DNAJB6: variants seen among roughly 807,000 people sequenced by gnomAD.
The protein encoded by DNAJB6 is dnaJ homolog subfamily B member 6.
In DNAJB6, 16 loss-of-function variants were observed where a neutral mutation model predicts 42.7. The ratio of observed to expected loss-of-function variants is 0.37; its 90% confidence interval spans 0.25 to 0.57. The LOEUF (loss-of-function observed/expected upper bound fraction) is 0.57. Among genes scored for constraint, DNAJB6 ranks in the 20% least tolerant of loss-of-function variants. The pLI is 0.74. For synonymous variants in DNAJB6, 170 were observed against 163.5 expected (o/e 1.04, Z -0.30); for missense variants, 347 against 416.8 (o/e 0.83, Z 1.46).
At chr7:157,367,286 G>C in intron 4 of DNAJB6, 87 bp from the exon 5 acceptor site, 1 of 908,358 alleles carries the variant, frequency 1.1e-6, no homozygotes, top group Non-Finnish European at 1.8e-6. Flanking sequence ...ATTAGTTCAT[G>C]ATTTGTATAA....
At position 157,396,033 on chromosome 7, in the gene DNAJB6, C is replaced by T. The variant is rs1427167460; in HGVS notation, c.691+10422C>T. Among the ~76,000 whole-genome samples the T allele has an allele frequency of 4.0e-5, 6 of 151,520 alleles. 1 individual carries two copies. The highest frequency in any genetic ancestry group is 1.3e-4 in the Admixed American group (2 of 15,184). On this transcript the variant is annotated intron_variant, in intron 8 of 9. Transcript: ENST00000262177. ...AGTGAACTCGGCTCACTGCAACCTC[C>T]GTCTCCTGGGTTCAAGCGATTCTCA...
At chr7:157,380,491 G>C (rs1206496010) in intron 5 of DNAJB6, 3 of 152,202 alleles carry the variant, frequency 2.0e-5, no homozygotes, top group East Asian at 1.9e-4. Flanking sequence ...TATTTTTATG[G>C]GTGGGGGGCA....
chr7:157,372,994 C>T (rs748408739), intron 5 of DNAJB6, among the ~76,000 whole-genome samples: 18 of 152,320 alleles, frequency 1.2e-4, no homozygotes, highest in African/African-American at 3.4e-4. Flanking sequence ...GGCCTCCAAC[C>T]GCTAGGCTCA....
chr7:157,351,943 C>T (rs576378144), intron 1 of DNAJB6, among the ~76,000 whole-genome samples: 19 of 152,032 alleles, frequency 1.2e-4, no homozygotes, highest in East Asian at 5.8e-4. Flanking sequence ...TTCAGTGAGT[C>T]GAGATTGTGC....
intron 8 of DNAJB6, among the ~76,000 whole-genome samples, chr7:157,392,290 C>T (rs1180369531): frequency 6.6e-6 from 1 of 151,520 alleles, no homozygotes; most frequent in East Asian, 1.9e-4. Flanking sequence ...TGTGGACTTA[C>T]TCTCTTGATT....
chr7:157,384,744 T>C, intron 6 of DNAJB6, 123 bp from the exon 7 acceptor site: 1 of 964,670 alleles, frequency 1.0e-6, no homozygotes, highest in Non-Finnish European at 1.6e-6. Flanking sequence ...AGTTGCGTCG[T>C]TTATTACTCC....
chr7:157,359,016 A>G (rs1422833540), intron 2 of DNAJB6, among the ~76,000 whole-genome samples: 4 of 152,318 alleles, frequency 2.6e-5, no homozygotes, highest in East Asian at 3.9e-4. Flanking sequence ...GCTCCGGCCT[A>G]TGCCACTGGA....
chr7:157,380,949 C>A (rs1800735348), intron 5 of DNAJB6: 1 of 152,134 alleles, frequency 6.6e-6, no homozygotes, highest in South Asian at 2.1e-4. Context: ...TCGGTCCTTT[C>A]AAACTGTGGT....
chr7:157,395,227 C>CT (rs1801526645), intron 8 of DNAJB6, among the ~76,000 whole-genome samples: 1 of 151,660 alleles, frequency 6.6e-6, no homozygotes. Flanking sequence ...TGGGAGGGGG[C>CT]TGGGGGGGGG....
intron 8 of DNAJB6, among the ~76,000 whole-genome samples, chr7:157,393,977 C>G (rs1298556080): frequency 6.6e-6 from 1 of 152,196 alleles, no homozygotes; most frequent in African/African-American, 2.4e-5. Flanking sequence ...CTTTCTCATT[C>G]TTTACATTTG....
At chr7:157,349,227 CTT>C (rs1798846427) in intron 1 of DNAJB6, among the ~76,000 whole-genome samples, 4 of 152,060 alleles carry the variant, frequency 2.6e-5, no homozygotes, top group African/African-American at 9.7e-5. Context: ...AACTTGATGA[CTT>C]TTATTATTTC....
intron 6 of DNAJB6, 110 bp from the exon 7 acceptor site, chr7:157,384,757 G>T: frequency 9.2e-7 from 1 of 1,088,456 alleles, no homozygotes; most frequent in South Asian, 1.5e-5. Context: ...ATTACTCCTC[G>T]GTTCTATGCC....
At chr7:157,399,305 G>A (rs10226524) in intron 8 of DNAJB6, among the ~76,000 whole-genome samples, 2 of 151,934 alleles carry the variant, frequency 1.3e-5, no homozygotes, top group African/African-American at 4.8e-5. Flanking sequence ...GAGGTCTTTC[G>A]CCTCCTGATG....
rs554109235 is a variant in DNAJB6, at chr7:157,383,485, G to C, written c.478+1108G>C. 1.3e-4 allele frequency among the ~76,000 whole-genome samples: 20 copies of C among 152,278 alleles called. No homozygotes were observed. In the South Asian group the frequency reaches 1.7e-3, roughly 13 times the overall value. On this transcript the variant is annotated intron_variant, in intron 6 of 9. Transcript: ENST00000262177. ...CTCGATTGGACCTCAGTTTTGATGTGCTTTCCCTCAACAGATCCTCTCATT... is the reference window on the plus strand; with the variant it reads ...CTCGATTGGACCTCAGTTTTGATGTCCTTTCCCTCAACAGATCCTCTCATT...
chr7:157,391,169 T>C (rs1211870873), intron 8 of DNAJB6, among the ~76,000 whole-genome samples: 1 of 152,176 alleles, frequency 6.6e-6, no homozygotes, highest in African/African-American at 2.4e-5. Flanking sequence ...AGGACATTGC[T>C]GGTAGGAACA....
At chr7:157,408,106 GGT>G (rs1383396535) in intron 8 of DNAJB6, among the ~76,000 whole-genome samples, 10 of 152,186 alleles carry the variant, frequency 6.6e-5, no homozygotes, top group Non-Finnish European at 1.5e-4. Flanking sequence ...CCCCGGGCTA[GGT>G]GACCCCTCTC....
chr7:157,357,248 TTCCTTCCTTCCTTCCGTCCTTCCTTCCG>T lies in DNAJB6; in HGVS notation c.-26-1287_-26-1260del, dbSNP rs1799335774. 3.8e-5 allele frequency among the ~76,000 whole-genome samples: 3 copies of T among 79,434 alleles called. 1 individual carries two copies. In the South Asian group the frequency reaches 1.2e-3, roughly 33 times the overall value. The allele number at this position is 79,434 out of a possible 152,430, so 52.1% of individuals were successfully genotyped here. Reference sequence around the variant, plus strand: ...CTTCCTTCCTTCCTTCCTTCCTTCCTTCCTTCCTTCCTTCCGTCCTTCCTTCCGTCCTTCCTTCCGTCCTTCCTTCCTT... The same window carrying T: ...CTTCCTTCCTTCCTTCCTTCCTTCCTTCCTTCCTTCCGTCCTTCCTTCCTT... On this transcript the variant is annotated intron_variant, in intron 1 of 9. Coordinates refer to ENST00000262177, the MANE Select transcript of DNAJB6 (RefSeq NM_058246.4).
intron 1 of DNAJB6, among the ~76,000 whole-genome samples, chr7:157,352,582 C>T (rs1170216350): frequency 6.6e-6 from 1 of 152,046 alleles, no homozygotes; most frequent in Non-Finnish European, 1.5e-5. Flanking sequence ...GTTCTCCTGA[C>T]TGTGCTCAGG....
intron 8 of DNAJB6, among the ~76,000 whole-genome samples, chr7:157,398,336 C>T (rs1014248808): frequency 2.0e-5 from 3 of 152,134 alleles, no homozygotes; most frequent in African/African-American, 7.2e-5. Flanking sequence ...GAGTGGTATT[C>T]CTAATTTGTG....
Sources: gnomAD v4.1 joint callset for allele counts (sites outside exome capture counted in the v4.1 genomes callset) on GRCh38, gnomAD v4.1.1 for gene constraint, MANE v1.5 for transcripts, NCBI Gene and HGNC (gene_info 2026-07-23, HGNC 2026-07-21) for gene names.